The following IGF2R variants were observed in gnomAD, a reference collection of about 807,000 sequenced individuals.
IGF2R encodes cation-independent mannose-6-phosphate receptor.
Under a neutral mutation model 270.6 loss-of-function variants are expected in IGF2R, and 91 were observed. The observed-to-expected ratio is 0.34, with a 90% CI of 0.28 to 0.40. IGF2R has a LOEUF of 0.40. Ranked by LOEUF, IGF2R falls within the 10% of genes least tolerant of loss-of-function variation. The pLI is 1.00. For missense variants in IGF2R, 2,805 were observed against 3,188.3 expected (o/e 0.88, Z 2.90); for synonymous variants, 1,316 against 1,258.9 (o/e 1.05, Z -0.96).
At chr6:160,091,332 G>T (rs58444339) in intron 44 of IGF2R, among the ~76,000 whole-genome samples, 3 of 100,844 alleles carry the variant, frequency 3.0e-5, no homozygotes, top group South Asian at 8.5e-4. Context: ...GGTGCTGAGC[G>T]CATCGCCGAG....
At chr6:159,980,236 A>AAGGAAAG (rs1562330699) in intron 1 of IGF2R, among the ~76,000 whole-genome samples, 11 of 136,106 alleles carry the variant, frequency 8.1e-5, no homozygotes, top group African/African-American at 3.2e-4. Flanking sequence ...AGAAAGAAAG[A>AAGGAAAG]AAGGTACATG....
chr6:160,054,865 T>C (rs1482176611), intron 19 of IGF2R, among the ~76,000 whole-genome samples: 1 of 152,198 alleles, frequency 6.6e-6, no homozygotes, highest in Non-Finnish European at 1.5e-5. Context: ...TTGTTAAGGG[T>C]GTGTGGCAGC....
rs766201338 is a variant in IGF2R at position 160,106,696 on chromosome 6, A to T, written c.*1612A>T. 6.6e-6 allele frequency: 1 copy of T among 151,754 alleles called. No homozygotes were observed. The highest frequency in any genetic ancestry group is 2.4e-5 in the African/African-American group (1 of 41,264). 9.4% of individuals were successfully genotyped at this position (151,754 alleles called of 1,614,324 possible). A position where few individuals can be genotyped will look rare whatever the true frequency, so the allele number is the denominator to read the frequency against. Reference sequence around the variant, plus strand: ...TGACCCTTTATGAGGCAGCACTTTCATTTTTCTCCAGAGTCTCCTGGTCGT... The same window carrying T: ...TGACCCTTTATGAGGCAGCACTTTCTTTTTTCTCCAGAGTCTCCTGGTCGT... On this transcript the variant is annotated 3_prime_UTR_variant, in exon 48 of 48. Coordinates refer to ENST00000356956, the MANE Select transcript of IGF2R (RefSeq NM_000876.4).
rs188391963 is a variant in IGF2R at position 160,062,152 on chromosome 6, G to A, written c.3582+224G>A. On this transcript the variant is annotated intron_variant, in intron 25 of 47. Coordinates refer to ENST00000356956, the MANE Select transcript of IGF2R (RefSeq NM_000876.4). ...AGGTCAAAGATTGGGTACTAACTGT[G>A]GCTATCATTTATTTAATTTTTTTTT... 3.3e-5 allele frequency among the ~76,000 whole-genome samples: 5 copies of A among 151,402 alleles called. No individual in the cohort carries two copies. In the South Asian group the frequency reaches 1.0e-3, roughly 32 times the overall value.
In IGF2R at chr6:160,072,053, G is replaced by C; in HGVS notation, c.4570+17G>C. On this transcript the variant is annotated intron_variant, in intron 32 of 47. Transcript: ENST00000356956. ...CAAGCACAGGTGAGAGGTGGTGCCA[G>C]TCGTTAACCCCAGCGCAGGTGAGAG... The C allele has an allele frequency of 6.2e-7, 1 of 1,614,002 alleles. No homozygotes were observed. The highest frequency in any genetic ancestry group is 1.3e-5 in the African/African-American group (1 of 75,052).
rs376435462 is a variant in IGF2R, at chr6:160,064,788, C to T, written c.4018-16C>T. ...TGCATTCTCACTTTTATATATGTGC[C>T]TCTTAACTTTTTTAGCCAGTATTTC... On this transcript the variant is annotated splice_polypyrimidine_tract_variant and intron_variant, in intron 28 of 47. Transcript: ENST00000356956. 2.0e-5 allele frequency: 32 copies of T among 1,563,906 alleles called. No homozygotes were observed. In the African/African-American group the frequency reaches 4.1e-4, roughly 20 times the overall value.
intron 39 of IGF2R, among the ~76,000 whole-genome samples, chr6:160,080,850 G>T (rs1778965025): frequency 6.6e-6 from 1 of 152,024 alleles, no homozygotes; most frequent in South Asian, 2.1e-4. Flanking sequence ...AGGCGCGGTG[G>T]CTCACGCCTG....
chr6:160,023,301 G>A (rs1777477711), intron 4 of IGF2R, among the ~76,000 whole-genome samples: 1 of 152,072 alleles, frequency 6.6e-6, no homozygotes, highest in East Asian at 1.9e-4. Flanking sequence ...TTGGCGGTGG[G>A]GCAGGGGGAC....
chr6:160,000,692 A>G lies in IGF2R; in HGVS notation c.290-8318A>G, dbSNP rs377047238. Among the ~76,000 whole-genome samples, 19 of 150,546 alleles carry G rather than the reference A, an allele frequency of 1.3e-4. No homozygotes were observed. The East Asian group carries it at 3.7e-3, about 29-fold the overall frequency. ...TTGCTGTAGGAAGACGGTTGTCTCT[A>G]AATCCTTTTGGGAAGATAATAGTTG... On this transcript the variant is annotated intron_variant, in intron 2 of 47. Transcript: ENST00000356956.
rs997880522 is a variant in IGF2R at position 159,998,635 on chromosome 6, A to AT, written c.289+7318dup. 8.6e-5 allele frequency among the ~76,000 whole-genome samples: 13 copies of AT among 152,046 alleles called. No individual in the cohort carries two copies. The highest frequency in any genetic ancestry group is 7.2e-4 in the Admixed American group (11 of 15,260). On this transcript the variant is annotated intron_variant, in intron 2 of 47. Transcript: ENST00000356956. This position sits in a 1 kb window ranked among gnomAD's most constrained non-coding sequence, Gnocchi z 4.1. Reference sequence around the variant, plus strand: ...TTATAAACCAGCAGTTTCCAATCTCATTTTTTCCCCCAGATATGTGTGACA... The same window carrying AT: ...TTATAAACCAGCAGTTTCCAATCTCATTTTTTTCCCCCAGATATGTGTGACA...
chr6:160,061,837 A>T lies in IGF2R; in HGVS notation c.3491A>T (p.Asn1164Ile). Residue 1164 changes from asparagine (N) to isoleucine (I), a missense_variant, in exon 25 of 48, where the codon AAT becomes ATT. By Grantham distance (149) the Asn-to-Ile change is moderately radical (BLOSUM62 -3). Transcript: ENST00000356956. ...CAGATGAGTCCCCAAGCCGCGGCGA[A>T]TGGATCTTTGAGCATCATGTATGTC... is the stretch of plus-strand genomic sequence containing the variant. ...VVQMSPQAAA[N>I]GSLSIMYVNG... 1 of 1,614,176 alleles carries T rather than the reference A, an allele frequency of 6.2e-7. No individual in the cohort carries two copies. The highest frequency in any genetic ancestry group is 8.5e-7 in the Non-Finnish European group (1 of 1,180,044).
intron 1 of IGF2R, among the ~76,000 whole-genome samples, chr6:159,987,686 T>C (rs1050753333): frequency 1.3e-5 from 2 of 152,212 alleles, no homozygotes; most frequent in African/African-American, 2.4e-5. Flanking sequence ...CACCACGCCC[T>C]GCCATTAGTT....
At chr6:160,024,393 G>A (rs545223059) in intron 4 of IGF2R, among the ~76,000 whole-genome samples, 179 bp from the exon 5 acceptor site, 2 of 152,264 alleles carry the variant, frequency 1.3e-5, no homozygotes, top group East Asian at 1.9e-4. Flanking sequence ...AAGAGATACC[G>A]AAAAGAACGC....
chr6:160,070,206 C>T (rs111389882), intron 31 of IGF2R, 148 bp downstream of exon 31: 74 of 768,728 alleles, frequency 9.6e-5, no homozygotes, highest in African/African-American at 9.2e-4. Context: ...GGGGGAACAG[C>T]GTCGCCGCGG....
At chr6:160,068,138 T>G (rs992790276) in intron 29 of IGF2R, 111 bp from the exon 30 acceptor site, 1 of 1,060,010 alleles carries the variant, frequency 9.4e-7, no homozygotes, top group African/African-American at 1.6e-5. Context: ...GAGTCTAAAG[T>G]TCTGTCAGGC....
In IGF2R at chr6:160,111,056, G is replaced by A. The variant is rs1779729454; in HGVS notation, c.*5972G>A. 1 of 152,194 alleles carries A rather than the reference G, an allele frequency of 6.6e-6. No individual in the cohort carries two copies. Among genetic ancestry groups the A allele is most frequent in the African/African-American group, 2.4e-5 (1 of 41,450 alleles). 9.4% of individuals were successfully genotyped at this position (152,194 alleles called of 1,614,324 possible). ...TTAAAATTTTCAGAGAGTAGATCTT[G>A]TGTTCTTTCCCCTCTCCAAATAAAA... On this transcript the variant is annotated 3_prime_UTR_variant, in exon 48 of 48. Coordinates refer to ENST00000356956, the MANE Select transcript of IGF2R (RefSeq NM_000876.4).
chr6:160,087,792 C>T (rs1337862046), intron 41 of IGF2R, among the ~76,000 whole-genome samples: 1 of 152,204 alleles, frequency 6.6e-6, no homozygotes, highest in African/African-American at 2.4e-5. Context: ...TCTCCTGCCT[C>T]AGCCTCCTGA....
intron 2 of IGF2R, chr6:160,005,014 AT>A (rs1212276992): frequency 6.6e-6 from 1 of 152,168 alleles, no homozygotes; most frequent in African/African-American, 2.4e-5. Flanking sequence ...GCTCTATCTG[AT>A]TGGATCCTGG....
At chr6:159,969,591 G>A (rs1339514726) in intron 1 of IGF2R, among the ~76,000 whole-genome samples, 196 bp downstream of exon 1, 2 of 152,146 alleles carry the variant, frequency 1.3e-5, no homozygotes, top group Non-Finnish European at 2.9e-5. Flanking sequence ...GCAGGCGGGG[G>A]GCGCGGGGGC....
Sources: allele counts gnomAD v4.1 joint callset (sites outside exome capture counted in the v4.1 genomes callset), GRCh38; gene constraint gnomAD v4.1.1; non-coding constraint Gnocchi (gnomAD v3.1); transcripts MANE v1.5; gene names NCBI Gene and HGNC (gene_info 2026-07-23, HGNC 2026-07-21).